The following EIF3M variants were observed in gnomAD, a reference collection of about 807,000 sequenced individuals.
EIF3M encodes B5 receptor.
In EIF3M, 25 loss-of-function variants were observed where a neutral mutation model predicts 49.7. That is an observed-to-expected ratio of 0.50 (90% CI 0.37 to 0.70). EIF3M has a LOEUF of 0.70. Among genes scored for constraint, EIF3M ranks in the 30% least tolerant of loss-of-function variants. The pLI is 0.00. For missense variants in EIF3M, 350 were observed against 440.0 expected (o/e 0.80, Z 1.83); for synonymous variants, 156 against 149.8 (o/e 1.04, Z -0.30).
chr11:32,589,459 G>A (rs991027060), intron 4 of EIF3M, 88 bp from the exon 5 acceptor site: 3 of 1,334,652 alleles, frequency 2.2e-6, no homozygotes, highest in Middle Eastern at 2.5e-4. Context: ...TTATAGGCGT[G>A]AGCCACCACG....
In EIF3M at chr11:32,601,786, G is replaced by A. The variant is rs1855271142; in HGVS notation, c.968G>A (p.Cys323Tyr). 6.2e-7 allele frequency: 1 copy of A among 1,612,490 alleles called. No homozygotes were observed. The highest frequency in any genetic ancestry group is 1.3e-5 in the African/African-American group (1 of 74,830). The change falls in exon 10 of 11, where the codon TGC becomes TAC. Residue 323 changes from cysteine (C) to tyrosine (Y), a missense_variant. Coordinates refer to ENST00000531120, the MANE Select transcript of EIF3M (RefSeq NM_006360.6). Reference sequence around the variant, plus strand: ...GCCGTAAGAACTAAAATGGTCTACTGCAAAATTGATCAGACCCAGAGAAAA... The same window carrying A: ...GCCGTAAGAACTAAAATGGTCTACTACAAAATTGATCAGACCCAGAGAAAA... ...IDAVRTKMVY[C>Y]KIDQTQRKVV...
chr11:32,596,989 C>G (rs992525505), intron 8 of EIF3M, among the ~76,000 whole-genome samples: 1 of 152,100 alleles, frequency 6.6e-6, no homozygotes, highest in Non-Finnish European at 1.5e-5. Flanking sequence ...GCCCTTCCAG[C>G]TCTTCTGTAC....
intron 3 of EIF3M, 107 bp from the exon 4 acceptor site, chr11:32,588,905 T>C: frequency 6.5e-7 from 1 of 1,535,704 alleles, no homozygotes; most frequent in African/African-American, 1.4e-5. Flanking sequence ...TCCTTTGTAA[T>C]ATGAAGTTGT....
Position 32,603,227 on chromosome 11 carries a change from GAAGTA to G in EIF3M, c.*833_*837del, listed in dbSNP as rs1439544483. 4 of 456,346 alleles carry G rather than the reference GAAGTA, an allele frequency of 8.8e-6. No individual in the cohort carries two copies. The highest frequency in any genetic ancestry group is 4.7e-5 in the South Asian group (1 of 21,224). The allele number at this position is 456,346 out of a possible 1,614,324, so 28.3% of individuals were successfully genotyped here. On this transcript the variant is annotated 3_prime_UTR_variant, in exon 11 of 11. Transcript: ENST00000531120. ...TCTTCAAAATCTCTAATATATAACT[GAAGTA>G]AAGTGTACAAAAACTGCCTTTTACT...
chr11:32,589,283 TCTC>T, intron 4 of EIF3M, 148 bp downstream of exon 4: 1 of 1,236,070 alleles, frequency 8.1e-7, no homozygotes, highest in South Asian at 1.5e-5. Flanking sequence ...TTCAAGCAGT[TCTC>T]CTTCCTCTGC....
At chr11:32,584,077 C>G in intron 1 of EIF3M, 148 bp downstream of exon 1, 1 of 1,094,098 alleles carries the variant, frequency 9.1e-7, no homozygotes, top group Admixed American at 2.4e-5. Flanking sequence ...GGCTGGGGCG[C>G]GCGTTCCTGG....
intron 5 of EIF3M, chr11:32,593,652 T>C (rs2133199013): frequency 2.9e-6 from 1 of 348,880 alleles, no homozygotes. Flanking sequence ...TAAATCACCA[T>C]TTATTTCCTT....
chr11:32,589,180 CT>C (rs375604117), intron 4 of EIF3M, 45 bp downstream of exon 4: 66,136 of 1,122,906 alleles, frequency 0.059, no homozygotes, highest in South Asian at 0.092. Context: ...AAGAAATGTA[CT>C]TTTTTTTTTT....
chr11:32,589,205 T>A, intron 4 of EIF3M, 70 bp downstream of exon 4: 1 of 1,576,986 alleles, frequency 6.3e-7, no homozygotes, highest in Non-Finnish European at 8.6e-7. Context: ...AGACGGAGTT[T>A]CACTGTTGTT....
At chr11:32,584,263 G>A in intron 1 of EIF3M, 1 of 366,598 alleles carries the variant, frequency 2.7e-6, no homozygotes, top group East Asian at 5.2e-5. Flanking sequence ...GGGAGGTGGT[G>A]AATCTGTAGT....
At position 32,604,193 on chromosome 11, in the gene EIF3M, G is replaced by A. The variant is rs1320332234; in HGVS notation, c.*1794G>A. On this transcript the variant is annotated 3_prime_UTR_variant, in exon 11 of 11. Transcript: ENST00000531120. The stretch of plus-strand genomic sequence containing the variant: ...GCTGGAGTGCAGTGGCACAATCACA[G>A]CTCATTGCAGCCTTGACCTCCCTGG... 6.6e-6 allele frequency: 1 copy of A among 152,332 alleles called. No homozygotes were observed. The highest frequency in any genetic ancestry group is 1.5e-5 in the Non-Finnish European group (1 of 68,134). The allele number at this position is 152,332 out of a possible 1,614,324, so 9.4% of individuals were successfully genotyped here.
In EIF3M at chr11:32,597,796, A is replaced by T. The variant is rs1233413594; in HGVS notation, c.799+1749A>T. ...AATAATCAAAACACATTAGAGATTG[A>T]TTATATTTTCCATATTAAGACTGAA... On this transcript the variant is annotated intron_variant, in intron 8 of 10. Coordinates refer to ENST00000531120, the MANE Select transcript of EIF3M (RefSeq NM_006360.6). 3.9e-5 allele frequency among the ~76,000 whole-genome samples: 6 copies of T among 152,198 alleles called. 1 individual carries two copies. In the East Asian group the frequency reaches 9.6e-4, roughly 24 times the overall value.
intron 4 of EIF3M, 150 bp from the exon 5 acceptor site, chr11:32,589,397 A>G: frequency 2.3e-6 from 2 of 861,358 alleles, no homozygotes; most frequent in South Asian, 3.5e-5. Flanking sequence ...GCTGGTCTCG[A>G]ACTCCCGACT....
intron 1 of EIF3M, chr11:32,584,341 C>G (rs1377727543): frequency 5.1e-6 from 1 of 195,428 alleles, no homozygotes; most frequent in African/African-American, 2.4e-5. Flanking sequence ...GGCGCGGTGG[C>G]TCACGCCTTT....
chr11:32,594,275 G>T (rs1416774348), intron 6 of EIF3M: 1 of 208,052 alleles, frequency 4.8e-6, no homozygotes. Context: ...AAAGTTGATG[G>T]CTTGCCAAAA....
In EIF3M at chr11:32,605,848, G is replaced by C. The variant is rs1374125126; in HGVS notation, c.*3449G>C. The stretch of plus-strand genomic sequence containing the variant: ...TATTGCCTTGTATCTTCGTTCTTTC[G>C]TCTCCTATCCTTTTTAGAAATTTAT... On this transcript the variant is annotated 3_prime_UTR_variant, in exon 11 of 11. Coordinates refer to ENST00000531120, the MANE Select transcript of EIF3M (RefSeq NM_006360.6). 1 of 151,994 alleles carries C rather than the reference G, an allele frequency of 6.6e-6. No homozygotes were observed. The highest frequency in any genetic ancestry group is 1.5e-5 in the Non-Finnish European group (1 of 68,006). 9.4% of individuals were successfully genotyped at this position (151,994 alleles called of 1,614,324 possible). A position where few individuals can be genotyped will look rare whatever the true frequency, so the allele number is the denominator to read the frequency against.
At chr11:32,597,202 C>T (rs1855193802) in intron 8 of EIF3M, among the ~76,000 whole-genome samples, 1 of 152,160 alleles carries the variant, frequency 6.6e-6, no homozygotes, top group South Asian at 2.1e-4. Context: ...ATTAAAGGTA[C>T]TTTATTAAGC....
chr11:32,600,195 G>A (rs1488414461), intron 8 of EIF3M, among the ~76,000 whole-genome samples: 18 of 151,836 alleles, frequency 1.2e-4, no homozygotes. Flanking sequence ...AACTGAAAAT[G>A]TTTGTGAAAG....
At position 32,603,084 on chromosome 11, in the gene EIF3M, A is replaced by C; in HGVS notation, c.*685A>C. 6 of 1,318,838 alleles carry C rather than the reference A, an allele frequency of 4.5e-6. No individual in the cohort carries two copies. The highest frequency in any genetic ancestry group is 4.4e-5 in the Admixed American group (2 of 45,700). 81.7% of individuals were successfully genotyped at this position (1,318,838 alleles called of 1,614,324 possible). A position where few individuals can be genotyped will look rare whatever the true frequency, so the allele number is the denominator to read the frequency against. On this transcript the variant is annotated 3_prime_UTR_variant, in exon 11 of 11. Coordinates refer to ENST00000531120, the MANE Select transcript of EIF3M (RefSeq NM_006360.6). The stretch of plus-strand genomic sequence containing the variant: ...TACAAAAGATTTTAAAGAGTCTGTA[A>C]AGCCTCTGCAGTTATGAGTATGTGG...
Sources: gnomAD v4.1 joint callset for allele counts (sites outside exome capture counted in the v4.1 genomes callset) on GRCh38, gnomAD v4.1.1 for gene constraint, MANE v1.5 for transcripts, NCBI Gene and HGNC (gene_info 2026-07-23, HGNC 2026-07-21) for gene names.